CELF4: variants seen among roughly 807,000 people sequenced by gnomAD.
CELF4 encodes CUG-BP- and ETR-3-like factor 4.
A neutral mutation model predicts 59.9 loss-of-function variants in CELF4; 18 were observed. The ratio of observed to expected loss-of-function variants is 0.30; its 90% confidence interval spans 0.21 to 0.45. CELF4 has a LOEUF of 0.45. CELF4 is among the 20% of genes least tolerant of loss of function. The pLI is 1.00. For missense variants in CELF4, 456 were observed against 689.0 expected (o/e 0.66, Z 3.79); for synonymous variants, 261 against 267.1 (o/e 0.98, Z 0.22).
chr18:37,390,807 A>AGGGGG (rs1004031145), intron 2 of CELF4, among the ~76,000 whole-genome samples: 85 of 57,084 alleles, frequency 1.5e-3, no homozygotes, highest in Non-Finnish European at 1.8e-3. Flanking sequence ...TGGGGCGGGG[A>AGGGGG]GGGGGGGCAG....
chr18:37,278,418 G>A (rs906088978), intron 3 of CELF4, among the ~76,000 whole-genome samples: 8 of 152,318 alleles, frequency 5.3e-5, no homozygotes, highest in South Asian at 2.1e-4. Context: ...TGGCTTGTGC[G>A]AGTGATTCTA....
At chr18:37,391,657 T>C (rs1040045424) in intron 2 of CELF4, among the ~76,000 whole-genome samples, 5 of 152,346 alleles carry the variant, frequency 3.3e-5, no homozygotes, top group African/African-American at 9.6e-5. Flanking sequence ...TCAGGGTCCA[T>C]GCTCAATAAA....
At chr18:37,313,326 G>A (rs1448957584) in intron 3 of CELF4, among the ~76,000 whole-genome samples, 1 of 152,190 alleles carries the variant, frequency 6.6e-6, no homozygotes, top group Admixed American at 6.5e-5. Context: ...TGCCTGGGCC[G>A]AGGGCTTCCT....
At chr18:37,326,413 C>T (rs1292554047) in intron 2 of CELF4, among the ~76,000 whole-genome samples, 3 of 152,192 alleles carry the variant, frequency 2.0e-5, no homozygotes, top group Non-Finnish European at 4.4e-5. Flanking sequence ...TCCTCTCCAC[C>T]AGTGCGCTGT....
chr18:37,403,321 C>T (rs755799899), intron 2 of CELF4, among the ~76,000 whole-genome samples: 12 of 152,252 alleles, frequency 7.9e-5, no homozygotes, highest in Middle Eastern at 3.4e-3. Context: ...GAGGAGCAGC[C>T]GCTTCAAAGG....
intron 1 of CELF4, among the ~76,000 whole-genome samples, chr18:37,495,219 G>A (rs996565226): frequency 6.6e-6 from 1 of 152,134 alleles, no homozygotes; most frequent in African/African-American, 2.4e-5. Context: ...CAGTGGGGAC[G>A]GCCCACAGTG....
At chr18:37,321,721 C>CTTT in intron 3 of CELF4, 82 bp downstream of exon 3, 1 of 1,005,596 alleles carries the variant, frequency 9.9e-7, no homozygotes, top group Non-Finnish European at 1.5e-6. Flanking sequence ...GGCGGGGAGT[C>CTTT]GCTGCATCGC....
At chr18:37,401,214 G>A (rs2099322444) in intron 2 of CELF4, among the ~76,000 whole-genome samples, 3 of 152,190 alleles carry the variant, frequency 2.0e-5, no homozygotes, top group Admixed American at 1.3e-4. Flanking sequence ...AAAAGAAAGC[G>A]ACGGACATGG....
At chr18:37,353,239 T>A (rs1181717318) in intron 2 of CELF4, among the ~76,000 whole-genome samples, 4 of 135,060 alleles carry the variant, frequency 3.0e-5, no homozygotes, top group African/African-American at 8.0e-5. Context: ...AAAAAATATA[T>A]ATATATATAT....
At chr18:37,544,595 G>A (rs1020120463) in intron 1 of CELF4, among the ~76,000 whole-genome samples, 26 of 152,220 alleles carry the variant, frequency 1.7e-4, no homozygotes, top group African/African-American at 6.3e-4. Context: ...ACGTGTGTGT[G>A]CTTGTACGTA....
At chr18:37,343,300 G>C (rs2098122362) in intron 2 of CELF4, among the ~76,000 whole-genome samples, 1 of 150,100 alleles carries the variant, frequency 6.7e-6, no homozygotes. Flanking sequence ...TTTGGGTGTG[G>C]GCCATTGTGT....
chr18:37,289,751 T>C (rs181634014), intron 3 of CELF4, among the ~76,000 whole-genome samples: 1 of 152,302 alleles, frequency 6.6e-6, no homozygotes, highest in African/African-American at 2.4e-5. Context: ...AAGAAACTGG[T>C]GGAAGCTCCC....
At chr18:37,418,778 C>T (rs958624992) in intron 2 of CELF4, among the ~76,000 whole-genome samples, 2 of 152,238 alleles carry the variant, frequency 1.3e-5, no homozygotes, top group African/African-American at 4.8e-5. Flanking sequence ...AGAGGAGAAA[C>T]TAATGCTCAG....
chr18:37,359,417 C>A (rs1413545189), intron 2 of CELF4, among the ~76,000 whole-genome samples: 1 of 152,146 alleles, frequency 6.6e-6, no homozygotes, highest in South Asian at 2.1e-4. Flanking sequence ...TTATAGCTCA[C>A]TGTAGTCTCA....
At chr18:37,414,713 G>T (rs1293233858) in intron 2 of CELF4, among the ~76,000 whole-genome samples, 1 of 151,850 alleles carries the variant, frequency 6.6e-6, no homozygotes, top group Non-Finnish European at 1.5e-5. Flanking sequence ...TAGCCAGGAT[G>T]GTCTCAATCT....
At position 37,294,235 on chromosome 18, in the gene CELF4, G is replaced by A. The variant is rs112291964; in HGVS notation, c.449-18992C>T. Among the ~76,000 whole-genome samples the A allele has an allele frequency of 4.8e-4, 73 of 152,218 alleles. 1 individual carries two copies. The highest frequency in any genetic ancestry group is 1.7e-3 in the African/African-American group (70 of 41,520). ...TGTATTACCCTTCATCTCATCCTCC[G>A]GACCAGTTTCAGGTCATCAGCACAT... On this transcript the variant is annotated intron_variant, in intron 3 of 12. Coordinates refer to ENST00000420428, the MANE Select transcript of CELF4 (RefSeq NM_020180.4).
intron 2 of CELF4, among the ~76,000 whole-genome samples, chr18:37,476,678 A>G (rs1261917263): frequency 6.6e-6 from 1 of 152,212 alleles, no homozygotes; most frequent in Non-Finnish European, 1.5e-5. Context: ...ACATGCGCCC[A>G]GCAGAAACCC....
chr18:37,318,268 G>A (rs1022828446), intron 3 of CELF4, among the ~76,000 whole-genome samples: 1 of 151,572 alleles, frequency 6.6e-6, no homozygotes, highest in Non-Finnish European at 1.5e-5. Context: ...CTGTCTTCAA[G>A]GCCTCGCTCC....
chr18:37,562,460 A>T (rs1281300760), intron 1 of CELF4, among the ~76,000 whole-genome samples: 3 of 150,682 alleles, frequency 2.0e-5, no homozygotes, highest in Admixed American at 2.0e-4. Flanking sequence ...ATCCTGTATG[A>T]TTCATTAGAA....
Sources: gnomAD v4.1 joint callset for allele counts (sites outside exome capture counted in the v4.1 genomes callset) on GRCh38, gnomAD v4.1.1 for gene constraint, MANE v1.5 for transcripts, NCBI Gene and HGNC (gene_info 2026-07-23, HGNC 2026-07-21) for gene names.